TOMM20: variants seen among roughly 807,000 people sequenced by gnomAD.
TOMM20 encodes the protein translocase of outer mitochondrial membrane 20, also known as mitochondrial import receptor subunit TOM20 homolog.
Under a neutral mutation model 22.1 loss-of-function variants are expected in TOMM20, and 10 were observed. The ratio of observed to expected loss-of-function variants is 0.45; its 90% CI spans 0.28 to 0.77. The LOEUF (loss-of-function observed/expected upper bound fraction) is 0.77. Ranked by LOEUF, TOMM20 falls within the 30% of genes least tolerant of loss-of-function variation. TOMM20 has a pLI of 0.13. For missense variants in TOMM20, 121 were observed against 172.2 expected (o/e 0.70, Z 1.66); for synonymous variants, 55 against 61.4 (o/e 0.90, Z 0.49).
intron 1 of TOMM20, chr1:235,127,734 C>T (rs1378056265): frequency 5.3e-6 from 2 of 378,526 alleles, no homozygotes; most frequent in East Asian, 7.1e-5. Context: ...AATGAAGATT[C>T]TCCGAAAATT....
chr1:235,113,350 C>T (rs1660772405), intron 4 of TOMM20, among the ~76,000 whole-genome samples: 1 of 152,164 alleles, frequency 6.6e-6, no homozygotes, highest in South Asian at 2.1e-4. Flanking sequence ...AGAGGGAATC[C>T]ATGCTCTTGA....
At position 235,110,112 on chromosome 1, in the gene TOMM20, A is replaced by C. The variant is rs574852320; in HGVS notation, c.*1952T>G. 6.6e-6 allele frequency: 1 copy of C among 152,192 alleles called. No homozygotes were observed. The highest frequency in any genetic ancestry group is 1.5e-5 in the Non-Finnish European group (1 of 68,034). The allele number at this position is 152,192 out of a possible 1,614,324, so 9.4% of individuals were successfully genotyped here. A position where few individuals can be genotyped will look rare whatever the true frequency, so the allele number is the denominator to read the frequency against. The stretch of plus-strand genomic sequence containing the variant: ...CGTACTTGGGTTAATGAACTGTAAA[A>C]TGAAGATACCAACGCCTTTTCAAGC... On this transcript the variant is annotated 3_prime_UTR_variant, in exon 5 of 5. Transcript: ENST00000366607.
rs894556250 is a variant in TOMM20 at position 235,109,867 on chromosome 1, C to T, written c.*2197G>A. Reference sequence around the variant, plus strand: ...AAGCTGTGTATTAGTTCACTGAGATCTGGGGTTTTTTTGTTCTCACCTGCT... The same window carrying T: ...AAGCTGTGTATTAGTTCACTGAGATTTGGGGTTTTTTTGTTCTCACCTGCT... On this transcript the variant is annotated 3_prime_UTR_variant, in exon 5 of 5. Coordinates refer to ENST00000366607, the MANE Select transcript of TOMM20 (RefSeq NM_014765.3). 9 of 152,158 alleles carry T rather than the reference C, an allele frequency of 5.9e-5. No homozygotes were observed. The highest frequency in any genetic ancestry group is 2.2e-4 in the African/African-American group (9 of 41,432). The allele number at this position is 152,158 out of a possible 1,614,324, so 9.4% of individuals were successfully genotyped here.
At chr1:235,116,873 A>G (rs144099836) in intron 3 of TOMM20, among the ~76,000 whole-genome samples, 2 of 151,936 alleles carry the variant, frequency 1.3e-5, no homozygotes, top group Admixed American at 6.6e-5. Context: ...CGCTGGCTCA[A>G]GCCTGTAATC....
intron 1 of TOMM20, among the ~76,000 whole-genome samples, chr1:235,126,725 G>A (rs1253629657): frequency 6.6e-6 from 1 of 151,952 alleles, no homozygotes; most frequent in African/African-American, 2.4e-5. Flanking sequence ...GCTTGAACCC[G>A]GGAGGCGGAG....
Position 235,128,777 on chromosome 1 carries a change from G to A in TOMM20, c.-62C>T, listed in dbSNP as rs936053984. On this transcript the variant is annotated 5_prime_UTR_variant, in exon 1 of 5. Coordinates refer to ENST00000366607, the MANE Select transcript of TOMM20 (RefSeq NM_014765.3). ...GGACCGCGAAGGAGCGGTGGGCCAC[G>A]AACCCTCAGAGCGGTCGGCGCAGCT... 1.9e-6 allele frequency: 3 copies of A among 1,608,428 alleles called. No homozygotes were observed. Among genetic ancestry groups the A allele is most frequent in the South Asian group, 1.1e-5 (1 of 90,940 alleles).
chr1:235,126,066 A>G (rs1351028665), intron 1 of TOMM20, among the ~76,000 whole-genome samples: 1 of 148,340 alleles, frequency 6.7e-6, no homozygotes, highest in African/African-American at 2.5e-5. Flanking sequence ...GATAGATTAG[A>G]TTAGATAGAT....
chr1:235,119,758 A>T, intron 3 of TOMM20, 60 bp downstream of exon 3: 2 of 1,170,962 alleles, frequency 1.7e-6, no homozygotes, highest in Non-Finnish European at 2.5e-6. Context: ...CCTTATCATT[A>T]TAAATTTCTA....
chr1:235,122,079 T>G (rs1179708998), intron 2 of TOMM20, among the ~76,000 whole-genome samples: 1 of 150,100 alleles, frequency 6.7e-6, no homozygotes, highest in Non-Finnish European at 1.5e-5. Flanking sequence ...TCTTGCTCCT[T>G]AATTATTGTT....
At chr1:235,123,354 G>A (rs994399814) in intron 1 of TOMM20, among the ~76,000 whole-genome samples, 17 of 152,050 alleles carry the variant, frequency 1.1e-4, no homozygotes, top group African/African-American at 3.1e-4. Flanking sequence ...GCATGGTGGC[G>A]GGCGCCTGTA....
At position 235,118,903 on chromosome 1, in the gene TOMM20, A is replaced by T. The variant is rs542964257; in HGVS notation, c.250+915T>A. ...CTCTTTAGGTCAAATTAATTGAGCA[A>T]TTCTATTGATATCAAAAAAGTATTT... On this transcript the variant is annotated intron_variant, in intron 3 of 4. Coordinates refer to ENST00000366607, the MANE Select transcript of TOMM20 (RefSeq NM_014765.3). Among the ~76,000 whole-genome samples the T allele has an allele frequency of 5.8e-3, 879 of 152,296 alleles. 12 individuals carry two copies. The highest frequency in any genetic ancestry group is 0.02 in the African/African-American group (838 of 41,568).
At chr1:235,122,425 C>T (rs4659823) in intron 1 of TOMM20, 53 bp from the exon 2 acceptor site, 474,876 of 1,521,392 alleles carry the variant, frequency 0.31, 78,613 homozygotes, top group South Asian at 0.52. Context: ...AAATGGGAAT[C>T]AAAAGAATTC....
intron 1 of TOMM20, among the ~76,000 whole-genome samples, chr1:235,125,567 T>G (rs981339976): frequency 6.6e-6 from 1 of 152,062 alleles, no homozygotes; most frequent in Non-Finnish European, 1.5e-5. Context: ...ACATGCCTTA[T>G]GTGAAAAACT....
In TOMM20 at chr1:235,125,291, T is replaced by A. The variant is rs192630951; in HGVS notation, c.122-2919A>T. On this transcript the variant is annotated intron_variant, in intron 1 of 4. Coordinates refer to ENST00000366607, the MANE Select transcript of TOMM20 (RefSeq NM_014765.3). ...GTGCAGCAGCGTCATCTCGGCTCAC[T>A]GTAAGCTCCGCCTCCCGAGTTCACG... is the stretch of plus-strand genomic sequence containing the variant. Among the ~76,000 whole-genome samples, 5 of 152,340 alleles carry A rather than the reference T, an allele frequency of 3.3e-5. No homozygotes were observed. In the East Asian group the frequency reaches 9.6e-4, roughly 29 times the overall value.
intron 1 of TOMM20, among the ~76,000 whole-genome samples, chr1:235,123,966 G>A (rs1301768819): frequency 2.0e-5 from 3 of 152,236 alleles, no homozygotes; most frequent in Admixed American, 6.5e-5. Flanking sequence ...GACAAGGAAC[G>A]CTTGGATGTG....
intron 1 of TOMM20, among the ~76,000 whole-genome samples, chr1:235,125,124 C>G (rs1156880299): frequency 6.6e-6 from 1 of 152,234 alleles, no homozygotes; most frequent in Non-Finnish European, 1.5e-5. Flanking sequence ...TCTGCTTTTG[C>G]TAACAGGTGA....
At chr1:235,117,001 G>T (rs374223995) in intron 3 of TOMM20, among the ~76,000 whole-genome samples, 1 of 151,272 alleles carries the variant, frequency 6.6e-6, no homozygotes, top group Non-Finnish European at 1.5e-5. Context: ...CGGGCGTGGT[G>T]GTGGGCGCCT....
At chr1:235,128,522 G>C in intron 1 of TOMM20, 73 bp downstream of exon 1, 21 of 1,604,436 alleles carry the variant, frequency 1.3e-5, no homozygotes, top group Non-Finnish European at 1.6e-5. Context: ...GCTGGTGGGA[G>C]GCAATGACCC....
At chr1:235,128,339 C>T (rs944051669) in intron 1 of TOMM20, among the ~76,000 whole-genome samples, 1 of 152,330 alleles carries the variant, frequency 6.6e-6, no homozygotes, top group Middle Eastern at 3.4e-3. Context: ...CCCGAGATTG[C>T]AACAGAAATC....
Sources: gnomAD v4.1 joint callset for allele counts (sites outside exome capture counted in the v4.1 genomes callset) on GRCh38, gnomAD v4.1.1 for gene constraint, MANE v1.5 for transcripts, NCBI Gene and HGNC (gene_info 2026-07-23, HGNC 2026-07-21) for gene names.